The following DOCK9 variants were observed in gnomAD, a reference collection of about 807,000 sequenced individuals.
The protein encoded by DOCK9 is dedicator of cytokinesis protein 9.
A neutral mutation model predicts 263.3 loss-of-function variants in DOCK9; 89 were observed. The observed-to-expected ratio is 0.34, with a 90% CI of 0.28 to 0.40. DOCK9 has a LOEUF of 0.40. DOCK9 is among the 10% of genes least tolerant of loss of function. The pLI is 1.00. For missense variants in DOCK9, 2,140 were observed against 2,603.4 expected, an observed-to-expected ratio of 0.82 and a Z score of 3.87; for synonymous variants, 976 against 973.1, an observed-to-expected ratio of 1.00 and a Z score of -0.06.
At chr13:98,811,829 C>G (rs1753618) in intron 45 of DOCK9, among the ~76,000 whole-genome samples, 6 of 152,190 alleles carry the variant, frequency 3.9e-5, no homozygotes, top group African/African-American at 1.4e-4. Flanking sequence ...AAATATTTAT[C>G]TAACCCAGGT....
chr13:98,802,505 A>G (rs1323001671), intron 49 of DOCK9, among the ~76,000 whole-genome samples: 1 of 152,112 alleles, frequency 6.6e-6, no homozygotes, highest in Non-Finnish European at 1.5e-5. Flanking sequence ...TAGAAAGTGG[A>G]GGGCCGGAAG....
intron 19 of DOCK9, 119 bp from the exon 20 acceptor site, chr13:98,885,950 T>C: frequency 1.1e-6 from 1 of 930,546 alleles, no homozygotes; most frequent in Non-Finnish European, 1.5e-6. Flanking sequence ...GAGCGGATAT[T>C]AACATTTGCA....
intron 49 of DOCK9, among the ~76,000 whole-genome samples, chr13:98,803,275 C>G (rs2090325208): frequency 6.6e-6 from 1 of 152,202 alleles, no homozygotes. Context: ...AAAATGATGA[C>G]CTGTAACCCT....
intron 32 of DOCK9, among the ~76,000 whole-genome samples, chr13:98,862,791 A>C (rs2093911975): frequency 6.6e-6 from 1 of 152,180 alleles, no homozygotes; most frequent in African/African-American, 2.4e-5. Context: ...TGCCACTACA[A>C]GCCAGAGAGC....
intron 1 of DOCK9, among the ~76,000 whole-genome samples, chr13:99,079,885 C>T (rs2042059805): frequency 6.6e-6 from 1 of 152,146 alleles, no homozygotes; most frequent in Admixed American, 6.5e-5. Context: ...ACTAAAATTA[C>T]AAAAATTAGC....
At chr13:99,047,695 T>A (rs1431367953) in intron 1 of DOCK9, among the ~76,000 whole-genome samples, 1 of 151,654 alleles carries the variant, frequency 6.6e-6, no homozygotes, top group Non-Finnish European at 1.5e-5. Context: ...ATTTTTTTTT[T>A]AATTTTTAGT....
At chr13:98,946,740 T>G (rs2056764939) in intron 2 of DOCK9, among the ~76,000 whole-genome samples, 1 of 151,432 alleles carries the variant, frequency 6.6e-6, no homozygotes, top group South Asian at 2.1e-4. Flanking sequence ...CCACTCTGAT[T>G]TCTTCTTTCT....
intron 1 of DOCK9, among the ~76,000 whole-genome samples, chr13:98,988,108 A>T (rs1027387794): frequency 1.1e-4 from 16 of 152,290 alleles, no homozygotes; most frequent in South Asian, 2.1e-4. Flanking sequence ...TTTAAAAAAA[A>T]TTTTTAAGTT....
chr13:98,942,534 A>G (rs1430924016), intron 2 of DOCK9, among the ~76,000 whole-genome samples: 1 of 152,152 alleles, frequency 6.6e-6, no homozygotes, highest in Non-Finnish European at 1.5e-5. Context: ...CACCGCGCCC[A>G]GCTGGTTGTC....
chr13:98,801,772 T>C (rs553388506), intron 49 of DOCK9, among the ~76,000 whole-genome samples: 17 of 152,270 alleles, frequency 1.1e-4, no homozygotes, highest in South Asian at 4.2e-4. Flanking sequence ...AAGAGTTCAA[T>C]TGGGAAGGAC....
At chr13:98,873,943 G>C (rs575771865) in intron 27 of DOCK9, among the ~76,000 whole-genome samples, 1 of 152,044 alleles carries the variant, frequency 6.6e-6, no homozygotes, top group Non-Finnish European at 1.5e-5. Flanking sequence ...ATGATCTCAC[G>C]CTCAATATCT....
chr13:98,996,506 A>T (rs1881071166), intron 1 of DOCK9, among the ~76,000 whole-genome samples: 1 of 152,244 alleles, frequency 6.6e-6, no homozygotes, highest in African/African-American at 2.4e-5. Context: ...TCCTTACATT[A>T]CCCATATATT....
At chr13:99,040,436 C>CA (rs147555581) in intron 1 of DOCK9, among the ~76,000 whole-genome samples, 4,363 of 151,334 alleles carry the variant, frequency 0.029, 128 homozygotes, top group African/African-American at 0.062. Flanking sequence ...AACAAAAAAA[C>CA]AAAAAAAATC....
At chr13:98,881,746 G>A (rs2044795745) in intron 24 of DOCK9, 119 bp from the exon 25 acceptor site, 3 of 1,246,682 alleles carry the variant, frequency 2.4e-6, no homozygotes, top group Admixed American at 2.0e-5. Flanking sequence ...AAGGAGACAA[G>A]GAATTAGATG....
At chr13:99,056,757 G>A (rs1387283191) in intron 1 of DOCK9, among the ~76,000 whole-genome samples, 1 of 152,188 alleles carries the variant, frequency 6.6e-6, no homozygotes, top group Admixed American at 6.5e-5. Context: ...TTCCCCCAGT[G>A]GCAATCAGGG....
At position 98,955,496 on chromosome 13, in the gene DOCK9, T is replaced by C. The variant is rs772848279; in HGVS notation, c.182A>G (p.Lys61Arg). Residue 61 changes from lysine to arginine, a missense_variant, in exon 2 of 53, where the codon AAG becomes AGG. Around this residue, in one of 2 missense-constraint regions of DOCK9, gnomAD observed 1,521 missense variants for 1,741.7 expected, o/e 0.87. Coordinates refer to ENST00000682017, the MANE Select transcript of DOCK9 (RefSeq NM_001366683.2). ...LDYENVIVQK[K>R]TQILNDCLRE... ...TAAACAGTCGTTCAGGATCTGAGTCTTCTTCTGGACGATGACATTTTCATA... is the reference window on the plus strand; with the variant it reads ...TAAACAGTCGTTCAGGATCTGAGTCCTCTTCTGGACGATGACATTTTCATA... 1.2e-6 allele frequency: 2 copies of C among 1,600,712 alleles called. No individual in the cohort carries two copies. Among genetic ancestry groups the C allele is most frequent in the South Asian group, 1.1e-5 (1 of 88,328 alleles).
intron 21 of DOCK9, among the ~76,000 whole-genome samples, chr13:98,884,364 CT>C (rs2045344985): frequency 6.6e-6 from 1 of 152,202 alleles, no homozygotes; most frequent in South Asian, 2.1e-4. Context: ...ATTTATTCTT[CT>C]TTGGGAAAAT....
intron 45 of DOCK9, chr13:98,820,687 A>T: frequency 2.3e-6 from 1 of 432,076 alleles, no homozygotes; most frequent in Non-Finnish European, 4.6e-6. Context: ...TTTTGCAAAA[A>T]TCGATATTAT....
Position 99,074,954 on chromosome 13 carries a change from G to C in DOCK9, c.129+11269C>G, listed in dbSNP as rs139635971. ...ACACTCACCACAAAAGCTACAGGAGGTGGCTATGAAATCATTACAGTAGTA... is the reference window on the plus strand; with the variant it reads ...ACACTCACCACAAAAGCTACAGGAGCTGGCTATGAAATCATTACAGTAGTA... On this transcript the variant is annotated intron_variant, in intron 1 of 32. Transcript: ENST00000427887. 3.9e-3 allele frequency among the ~76,000 whole-genome samples: 588 copies of C among 152,294 alleles called. 3 individuals are homozygous for C. Among genetic ancestry groups the C allele is most frequent in the Middle Eastern group, 0.027 (8 of 294 alleles).
Sources: allele counts gnomAD v4.1 joint callset (sites outside exome capture counted in the v4.1 genomes callset), GRCh38; gene constraint gnomAD v4.1.1; regional missense constraint gnomAD v4.1.1; transcripts MANE v1.5; gene names NCBI Gene and HGNC (gene_info 2026-07-23, HGNC 2026-07-21).